The following PDZRN3 variants were observed in gnomAD, a reference collection of about 807,000 sequenced individuals.
The protein encoded by PDZRN3 is PDZ domain containing ring finger 3.
In PDZRN3, 38 loss-of-function variants were observed where a neutral mutation model predicts 85.7. The observed-to-expected ratio is 0.44, with a 90% confidence interval of 0.34 to 0.58. The LOEUF (loss-of-function observed/expected upper bound fraction) is 0.58, where lower values mean the gene tolerates loss of function less well. Among genes scored for constraint, PDZRN3 ranks in the 20% least tolerant of loss-of-function variants. PDZRN3 has a pLI of 0.01. For missense variants in PDZRN3, 1,629 were observed against 1,506.4 expected, an observed-to-expected ratio of 1.08 and a Z score of -1.35; for synonymous variants, 759 against 638.0, an observed-to-expected ratio of 1.19 and a Z score of -2.86.
intron 3 of PDZRN3, among the ~76,000 whole-genome samples, chr3:73,425,185 T>C (rs1702287458): frequency 6.6e-6 from 1 of 151,982 alleles, no homozygotes; most frequent in African/African-American, 2.4e-5. Flanking sequence ...TGTCTAATTT[T>C]TTTTTTTGTA....
At chr3:73,529,115 T>A (rs1006817881) in intron 3 of PDZRN3, among the ~76,000 whole-genome samples, 1 of 152,172 alleles carries the variant, frequency 6.6e-6, no homozygotes, top group Non-Finnish European at 1.5e-5. Flanking sequence ...CCGGGGTCCA[T>A]GTGGGCAAAT....
chr3:73,516,361 A>T (rs1426392024), intron 3 of PDZRN3, among the ~76,000 whole-genome samples: 2 of 152,210 alleles, frequency 1.3e-5, no homozygotes, highest in African/African-American at 4.8e-5. Context: ...TGCTTATGTC[A>T]ACACACCCAT....
chr3:73,421,808 C>A (rs1702208816), intron 3 of PDZRN3, among the ~76,000 whole-genome samples: 1 of 152,068 alleles, frequency 6.6e-6, no homozygotes, highest in Non-Finnish European at 1.5e-5. Flanking sequence ...CCACCACGAC[C>A]AGCTCTTTTT....
chr3:73,553,546 A>G, intron 3 of PDZRN3, among the ~76,000 whole-genome samples: 1 of 151,598 alleles, frequency 6.6e-6, no homozygotes, highest in Non-Finnish European at 1.5e-5. Context: ...ATTGCACTCC[A>G]GCCTGGGTGT....
At chr3:73,459,557 A>C (rs1262192699) in intron 3 of PDZRN3, among the ~76,000 whole-genome samples, 2 of 151,968 alleles carry the variant, frequency 1.3e-5, no homozygotes, top group Non-Finnish European at 2.9e-5. Flanking sequence ...CTTTGTGTCC[A>C]TGAGTTCTCA....
intron 3 of PDZRN3, among the ~76,000 whole-genome samples, chr3:73,570,669 C>T (rs1203837688): frequency 6.6e-6 from 1 of 152,058 alleles, no homozygotes; most frequent in Non-Finnish European, 1.5e-5. Flanking sequence ...TTGACTGATC[C>T]GGGAGCAGAG....
chr3:73,617,078 C>A (rs368028762), intron 1 of PDZRN3, among the ~76,000 whole-genome samples: 3 of 152,270 alleles, frequency 2.0e-5, no homozygotes, highest in South Asian at 4.1e-4. Context: ...AGACACGGGG[C>A]ACCTAAAAAC....
At chr3:73,475,318 T>C (rs1703427351) in intron 3 of PDZRN3, among the ~76,000 whole-genome samples, 1 of 152,206 alleles carries the variant, frequency 6.6e-6, no homozygotes, top group South Asian at 2.1e-4. Context: ...CCAAGCGTGC[T>C]GACTTATGAA....
At chr3:73,493,006 C>T (rs1361577696) in intron 3 of PDZRN3, among the ~76,000 whole-genome samples, 1 of 16,582 alleles carries the variant, frequency 6.0e-5, no homozygotes, top group Non-Finnish European at 4.7e-4. Context: ...TTTTTTTGGC[C>T]CTCCTTACAC....
intron 3 of PDZRN3, among the ~76,000 whole-genome samples, chr3:73,590,616 T>C (rs1228100686): frequency 6.6e-6 from 1 of 152,168 alleles, no homozygotes; most frequent in Non-Finnish European, 1.5e-5. Flanking sequence ...CTTGTAAAAT[T>C]AAGATGTTGT....
intron 3 of PDZRN3, among the ~76,000 whole-genome samples, chr3:73,549,706 A>C (rs991320241): frequency 2.4e-4 from 36 of 152,346 alleles, no homozygotes; most frequent in African/African-American, 8.7e-4. Flanking sequence ...GATATGTCTC[A>C]TCACAGGCAG....
intron 6 of PDZRN3, among the ~76,000 whole-genome samples, chr3:73,390,256 T>A (rs552154135): frequency 1.3e-5 from 2 of 152,364 alleles, no homozygotes; most frequent in South Asian, 4.1e-4. Flanking sequence ...TTATACCAAA[T>A]ACTTGTATTA....
intron 3 of PDZRN3, among the ~76,000 whole-genome samples, chr3:73,521,705 C>T (rs1175881552): frequency 6.6e-6 from 1 of 152,030 alleles, no homozygotes; most frequent in African/African-American, 2.4e-5. Flanking sequence ...ATTATTTTAC[C>T]TCTTCCACCC....
At chr3:73,608,534 A>G in intron 2 of PDZRN3, 64 bp downstream of exon 2, 1 of 1,129,752 alleles carries the variant, frequency 8.9e-7, no homozygotes. Flanking sequence ...GTCCCCTTCA[A>G]ACCTTGACCT....
chr3:73,569,253 AG>A, intron 3 of PDZRN3: 1 of 1,280,976 alleles, frequency 7.8e-7, no homozygotes, highest in South Asian at 1.3e-5. Flanking sequence ...GATGAACAAG[AG>A]GAGCCCGAAG....
chr3:73,454,953 G>C (rs1388916502), intron 3 of PDZRN3, among the ~76,000 whole-genome samples: 2 of 150,844 alleles, frequency 1.3e-5, no homozygotes, highest in Non-Finnish European at 2.9e-5. Context: ...GAAATGTCTT[G>C]ATTTTCTACA....
rs762364012 is a variant in PDZRN3, at chr3:73,385,640, A to T, written c.1635+29T>A. The T allele has an allele frequency of 9.3e-5, 121 of 1,300,192 alleles. 2 individuals carry two copies. Among genetic ancestry groups the T allele is most frequent in the East Asian group, 8.3e-4 (36 of 43,360 alleles). 80.5% of individuals were successfully genotyped at this position (1,300,192 alleles called of 1,614,324 possible). ...ATTTTCCTCCAGCTCAGCAGGGCAGAGTGTCAGGGACTGGTGCGTGGGCGT... is the reference window on the plus strand; with the variant it reads ...ATTTTCCTCCAGCTCAGCAGGGCAGTGTGTCAGGGACTGGTGCGTGGGCGT... On this transcript the variant is annotated intron_variant, in intron 9 of 9. Transcript: ENST00000263666.
At chr3:73,399,977 C>A (rs1019794347) in intron 5 of PDZRN3, among the ~76,000 whole-genome samples, 1 of 152,208 alleles carries the variant, frequency 6.6e-6, no homozygotes, top group African/African-American at 2.4e-5. Context: ...TACTATTTGA[C>A]TGCTTCTGTC....
intron 3 of PDZRN3, among the ~76,000 whole-genome samples, chr3:73,485,641 G>A (rs1203007012): frequency 6.6e-6 from 1 of 152,182 alleles, no homozygotes; most frequent in Non-Finnish European, 1.5e-5. Context: ...TCTTGGTCAA[G>A]TCCAAACTTA....
Sources: gnomAD v4.1 joint callset for allele counts (sites outside exome capture counted in the v4.1 genomes callset) on GRCh38, gnomAD v4.1.1 for gene constraint, MANE v1.5 for transcripts, NCBI Gene and HGNC (gene_info 2026-07-23, HGNC 2026-07-21) for gene names.